Variants in AZI2 observed in about 807,000 individuals in gnomAD.
AZI2 encodes the protein 5-azacytidine-induced protein 2.
In AZI2, 22 loss-of-function variants were observed where a neutral mutation model predicts 45.8. That is an observed-to-expected ratio of 0.48 (90% CI 0.34 to 0.69). AZI2 has a LOEUF of 0.69. Ranked by LOEUF, AZI2 falls within the 30% of genes least tolerant of loss-of-function variation. The probability of loss-of-function intolerance (pLI) is 0.01; values close to 1 mark genes in which losing one functional copy is unlikely to be tolerated. For missense variants in AZI2, 417 were observed against 441.5 expected (o/e 0.94, Z 0.50); for synonymous variants, 137 against 156.7 (o/e 0.87, Z 0.94).
In AZI2 at chr3:28,340,895, A is replaced by T. The variant is rs1703991566; in HGVS notation, c.-5-273T>A. On this transcript the variant is annotated intron_variant, in intron 1 of 7. Coordinates refer to ENST00000479665, the MANE Select transcript of AZI2 (RefSeq NM_022461.5). ...AAATTATATCTATAAACCACTTAAAACCATAATTATTAGTATGTTCTATAA... is the reference window on the plus strand; with the variant it reads ...AAATTATATCTATAAACCACTTAAATCCATAATTATTAGTATGTTCTATAA... 2.6e-5 allele frequency among the ~76,000 whole-genome samples: 4 copies of T among 151,966 alleles called. No homozygotes were observed. The South Asian group carries it at 8.3e-4, about 32-fold the overall frequency.
intron 6 of AZI2, chr3:28,331,971 C>CA (rs3217694): frequency 0.23 from 321,339 of 1,374,988 alleles, 33,988 homozygotes; most frequent in Middle Eastern, 0.27. Flanking sequence ...AAACAAAAAA[C>CA]AAAAAAAAAT....
Position 28,323,921 on chromosome 3 carries a change from G to T in AZI2, c.*121C>A. ...CTATTGTACAGTGTGTTCAAATATAGATACTGAAGACCTCTGCAAAATTTT... is the reference window on the plus strand; with the variant it reads ...CTATTGTACAGTGTGTTCAAATATATATACTGAAGACCTCTGCAAAATTTT... On this transcript the variant is annotated 3_prime_UTR_variant, in exon 8 of 8. Transcript: ENST00000479665. 1 of 1,135,260 alleles carries T rather than the reference G, an allele frequency of 8.8e-7. No individual in the cohort carries two copies. The highest frequency in any genetic ancestry group is 1.3e-6 in the Non-Finnish European group (1 of 799,692). 70.3% of individuals were successfully genotyped at this position (1,135,260 alleles called of 1,614,324 possible).
chr3:28,341,709 A>C (rs150126201), intron 1 of AZI2: 108 of 152,078 alleles, frequency 7.1e-4, no homozygotes, highest in African/African-American at 2.4e-3. Flanking sequence ...AGTCCTTTTA[A>C]ATATTTTTTA....
rs1213355655 is a variant in AZI2 at position 28,321,197 on chromosome 3, T to C, written c.*2845A>G. On this transcript the variant is annotated 3_prime_UTR_variant, in exon 8 of 8. Transcript: ENST00000479665. ...ATAGAAATCTAGAGACCACACAGCATAGGGGCAAACATGCCCATATTTCCA... is the reference window on the plus strand; with the variant it reads ...ATAGAAATCTAGAGACCACACAGCACAGGGGCAAACATGCCCATATTTCCA... The C allele has an allele frequency of 2.0e-5, 3 of 151,450 alleles. No homozygotes were observed. The highest frequency in any genetic ancestry group is 6.6e-5 in the Admixed American group (1 of 15,140). 9.4% of individuals were successfully genotyped at this position (151,450 alleles called of 1,614,324 possible).
At position 28,340,626 on chromosome 3, in the gene AZI2, T is replaced by A; in HGVS notation, c.-5-4A>T. The stretch of plus-strand genomic sequence containing the variant: ...TCTACCAGTGCATCCATGACAACTG[T>A]TTAAAAGAAAAAAAATATGAGTGAC... On this transcript the variant is annotated splice_polypyrimidine_tract_variant and splice_region_variant and intron_variant, in intron 1 of 7. Coordinates refer to ENST00000479665, the MANE Select transcript of AZI2 (RefSeq NM_022461.5). The A allele has an allele frequency of 6.4e-7, 1 of 1,572,996 alleles. No homozygotes were observed. Among genetic ancestry groups the A allele is most frequent in the Non-Finnish European group, 8.6e-7 (1 of 1,161,698 alleles).
intron 1 of AZI2, among the ~76,000 whole-genome samples, chr3:28,347,013 A>T (rs1310046822): frequency 6.6e-6 from 1 of 152,246 alleles, no homozygotes; most frequent in Non-Finnish European, 1.5e-5. Flanking sequence ...AGACTCTTCC[A>T]GAGTTAGCAT....
At chr3:28,345,012 G>C (rs1559464844) in intron 1 of AZI2, among the ~76,000 whole-genome samples, 1 of 152,062 alleles carries the variant, frequency 6.6e-6, no homozygotes, top group Non-Finnish European at 1.5e-5. Context: ...GCTTTTCCAA[G>C]GGCATTCTAA....
At chr3:28,346,588 T>A (rs1704239370) in intron 1 of AZI2, among the ~76,000 whole-genome samples, 1 of 152,106 alleles carries the variant, frequency 6.6e-6, no homozygotes, top group African/African-American at 2.4e-5. Context: ...GCCTATATGG[T>A]AGGCTCTTTA....
chr3:28,330,875 G>A (rs760024449), intron 6 of AZI2, among the ~76,000 whole-genome samples: 4 of 151,316 alleles, frequency 2.6e-5, no homozygotes, highest in Non-Finnish European at 5.9e-5. Context: ...TGAATTTAAG[G>A]CAATTATTTC....
At chr3:28,347,873 C>G (rs1252589819) in intron 1 of AZI2, among the ~76,000 whole-genome samples, 1 of 152,114 alleles carries the variant, frequency 6.6e-6, no homozygotes, top group Non-Finnish European at 1.5e-5. Context: ...TTTGAAATTC[C>G]AATCTAAAAA....
chr3:28,344,685 A>G (rs1216788293), intron 1 of AZI2, among the ~76,000 whole-genome samples: 1 of 152,102 alleles, frequency 6.6e-6, no homozygotes, highest in Non-Finnish European at 1.5e-5. Flanking sequence ...AAACTAGACC[A>G]AGCTAGTTAT....
In AZI2 at chr3:28,343,021, C is replaced by G. The variant is rs565350548; in HGVS notation, c.-5-2399G>C. ...TGGGCTCACGCACTTCTGTTTTACA[C>G]AAACTTCTAACTAGCTCAGCTGGGA... On this transcript the variant is annotated intron_variant, in intron 1 of 7. Transcript: ENST00000479665. 4.6e-5 allele frequency among the ~76,000 whole-genome samples: 7 copies of G among 152,206 alleles called. No homozygotes were observed. In the South Asian group the frequency reaches 1.5e-3, roughly 32 times the overall value.
intron 7 of AZI2, 42 bp from the exon 8 acceptor site, chr3:28,324,496 T>C: frequency 7.1e-7 from 1 of 1,402,404 alleles, no homozygotes; most frequent in Non-Finnish European, 9.4e-7. Flanking sequence ...TTCATTACAT[T>C]TGTGATCATA....
At chr3:28,345,044 C>T (rs146345350) in intron 1 of AZI2, among the ~76,000 whole-genome samples, 28 of 152,236 alleles carry the variant, frequency 1.8e-4, no homozygotes, top group African/African-American at 6.5e-4. Flanking sequence ...TGACTGAGGG[C>T]AGTGTTTGAC....
At chr3:28,346,050 A>C (rs887637068) in intron 1 of AZI2, among the ~76,000 whole-genome samples, 1 of 152,152 alleles carries the variant, frequency 6.6e-6, no homozygotes, top group Non-Finnish European at 1.5e-5. Flanking sequence ...CTACACAGCT[A>C]ATCAGTGGCA....
intron 6 of AZI2, among the ~76,000 whole-genome samples, chr3:28,328,668 CTT>C (rs1703473791): frequency 2.6e-5 from 4 of 151,106 alleles, no homozygotes. Flanking sequence ...CACATGTAGT[CTT>C]GTTTTTTGCT....
At position 28,338,532 on chromosome 3, in the gene AZI2, G is replaced by A; in HGVS notation, c.300C>T (p.Cys100=). Residue 100 remains cysteine (C), a synonymous_variant, in exon 3 of 8, where the codon TGC becomes TGT. Transcript: ENST00000479665. The part of the protein sequence containing the change: ...NKAYHAYREV[C]IDRDNLKSKL... ...TGCTCTTCAAATTATCTCTATCAAT[G>A]CAAACCTCTCGATATGCATGATAGG... 6.2e-7 allele frequency: 1 copy of A among 1,600,762 alleles called. No homozygotes were observed. The highest frequency in any genetic ancestry group is 8.5e-7 in the Non-Finnish European group (1 of 1,170,866).
chr3:28,331,545 G>T, intron 6 of AZI2: 1 of 805,802 alleles, frequency 1.2e-6, no homozygotes, highest in Non-Finnish European at 1.5e-6. Context: ...TGATCTAGAA[G>T]AGTGGCTGTA....
rs533306160 is a variant in AZI2 at position 28,339,010 on chromosome 3, C to T, written c.217-395G>A. On this transcript the variant is annotated intron_variant, in intron 2 of 7. Coordinates refer to ENST00000479665, the MANE Select transcript of AZI2 (RefSeq NM_022461.5). ...TTTTTTTTTTTTCGAGACTGAGTTT[C>T]GCTCTCATCACCCAGGCTGGAGTGC... Among the ~76,000 whole-genome samples, 7 of 149,628 alleles carry T rather than the reference C, an allele frequency of 4.7e-5. No homozygotes were observed. In the East Asian group the frequency reaches 9.8e-4, roughly 21 times the overall value.
Sources: allele counts gnomAD v4.1 joint callset (sites outside exome capture counted in the v4.1 genomes callset), GRCh38; gene constraint gnomAD v4.1.1; transcripts MANE v1.5; gene names NCBI Gene and HGNC (gene_info 2026-07-23, HGNC 2026-07-21).